Variants in IQCJ observed in about 807,000 individuals in gnomAD.
IQCJ encodes the protein IQ domain-containing protein J.
A neutral mutation model predicts 11.0 loss-of-function variants in IQCJ; 9 were observed. That is an observed-to-expected ratio of 0.82 (90% CI 0.49 to 1.43). The LOEUF (loss-of-function observed/expected upper bound fraction) is 1.43, where lower values mean the gene tolerates loss of function less well. IQCJ is among the 40% of genes most tolerant of loss of function. IQCJ has a pLI of 0.00. For synonymous variants in IQCJ, 55 were observed against 51.3 expected (o/e 1.07, Z -0.31); for missense variants, 146 against 133.2 (o/e 1.10, Z -0.47).
At chr3:159,241,814 G>T (rs1726939217) in intron 1 of IQCJ, among the ~76,000 whole-genome samples, 1 of 152,216 alleles carries the variant, frequency 6.6e-6, no homozygotes, top group Non-Finnish European at 1.5e-5. Context: ...CTTCCATGGT[G>T]CCTACAATGT....
intron 3 of IQCJ, among the ~76,000 whole-genome samples, chr3:159,261,099 G>T (rs573002093): frequency 6.6e-6 from 1 of 152,274 alleles, no homozygotes; most frequent in East Asian, 1.9e-4. Flanking sequence ...TGACCATTGA[G>T]AATTGATGAT....
intron 1 of IQCJ, among the ~76,000 whole-genome samples, chr3:159,201,860 G>A (rs114192690): frequency 2.3e-3 from 352 of 152,116 alleles, no homozygotes; most frequent in African/African-American, 7.7e-3. Context: ...AAGTGAACAG[G>A]TCACTTATTT....
At chr3:159,101,539 A>G (rs1717918346) in intron 1 of IQCJ, among the ~76,000 whole-genome samples, 1 of 152,164 alleles carries the variant, frequency 6.6e-6, no homozygotes, top group South Asian at 2.1e-4. Context: ...TATCATCCCC[A>G]TGTGTTTCAT....
At chr3:159,182,548 C>G (rs779341665) in intron 1 of IQCJ, among the ~76,000 whole-genome samples, 15 of 151,930 alleles carry the variant, frequency 9.9e-5, no homozygotes, top group Non-Finnish European at 2.1e-4. Context: ...TCTCAAGGGC[C>G]GAGCTCCCCG....
rs563842291 is a variant in IQCJ at position 159,092,859 on chromosome 3, G to C, written c.9+23418G>C. The stretch of plus-strand genomic sequence containing the variant: ...TAAGAGAATACTCTTATTCTTAGGA[G>C]ACATGTGCTGAGGTATTTAGGGGTG... On this transcript the variant is annotated intron_variant, in intron 1 of 3. Coordinates refer to ENST00000397832, the MANE Select transcript of IQCJ (RefSeq NM_001042706.3). Among the ~76,000 whole-genome samples, 56 of 151,580 alleles carry C rather than the reference G, an allele frequency of 3.7e-4. 1 individual carries two copies. Among genetic ancestry groups the C allele is most frequent in the African/African-American group, 1.2e-3 (51 of 40,988 alleles).
At chr3:159,228,700 A>G (rs1222908607) in intron 1 of IQCJ, among the ~76,000 whole-genome samples, 1 of 151,912 alleles carries the variant, frequency 6.6e-6, no homozygotes, top group Admixed American at 6.5e-5. Context: ...CTGAGGCAGG[A>G]CAGTGGCCAG....
intron 1 of IQCJ, among the ~76,000 whole-genome samples, chr3:159,079,180 A>G (rs1266755704): frequency 6.6e-6 from 1 of 152,090 alleles, no homozygotes; most frequent in Admixed American, 6.6e-5. Context: ...ACTTCCCTGC[A>G]TGTCATTGTG....
At chr3:159,223,703 T>C (rs1725683305) in intron 1 of IQCJ, among the ~76,000 whole-genome samples, 1 of 152,188 alleles carries the variant, frequency 6.6e-6, no homozygotes, top group African/African-American at 2.4e-5. Context: ...GTAATACATG[T>C]TGAGTATCTG....
chr3:159,261,409 T>C (rs1728196734), intron 3 of IQCJ, among the ~76,000 whole-genome samples: 1 of 152,202 alleles, frequency 6.6e-6, no homozygotes, highest in Non-Finnish European at 1.5e-5. Flanking sequence ...TGGCTCTGTG[T>C]CCCTACCCAA....
chr3:159,234,553 C>T (rs544747080), intron 1 of IQCJ, among the ~76,000 whole-genome samples: 20 of 152,260 alleles, frequency 1.3e-4, no homozygotes, highest in Admixed American at 5.2e-4. Flanking sequence ...CCTGTAATCC[C>T]AGCACTTTGG....
chr3:159,193,582 A>G (rs1324022854), intron 1 of IQCJ, among the ~76,000 whole-genome samples: 1 of 152,206 alleles, frequency 6.6e-6, no homozygotes, highest in East Asian at 1.9e-4. Context: ...ATGTTGGTGG[A>G]TCAAAGATTC....
chr3:159,091,666 A>G (rs60188161), intron 1 of IQCJ, among the ~76,000 whole-genome samples: 36,192 of 79,508 alleles, frequency 0.46, 5,096 homozygotes, highest in East Asian at 0.57. Flanking sequence ...ACACACACAC[A>G]CACGCATGCA....
chr3:159,188,002 C>G (rs370391178), intron 1 of IQCJ, among the ~76,000 whole-genome samples: 1 of 152,164 alleles, frequency 6.6e-6, no homozygotes, highest in South Asian at 2.1e-4. Flanking sequence ...CCCAAGCTAC[C>G]GACCAGAGAG....
intron 1 of IQCJ, among the ~76,000 whole-genome samples, chr3:159,206,314 T>A (rs1332353616): frequency 6.6e-6 from 1 of 152,250 alleles, no homozygotes; most frequent in Non-Finnish European, 1.5e-5. Context: ...TCACAATGAT[T>A]GCAACTGGTA....
chr3:159,146,404 G>A (rs892174485), intron 1 of IQCJ, among the ~76,000 whole-genome samples: 1 of 152,274 alleles, frequency 6.6e-6, no homozygotes, highest in Non-Finnish European at 1.5e-5. Context: ...GGCCTTTCTT[G>A]CCTCCTGTGC....
intron 1 of IQCJ, among the ~76,000 whole-genome samples, chr3:159,159,025 C>T (rs1364695054): frequency 6.6e-6 from 1 of 152,160 alleles, no homozygotes; most frequent in African/African-American, 2.4e-5. Context: ...AGGAGAGCCA[C>T]ATGGGAAGCA....
intron 1 of IQCJ, among the ~76,000 whole-genome samples, chr3:159,217,636 C>T (rs1196103031): frequency 6.6e-6 from 1 of 152,144 alleles, no homozygotes; most frequent in Non-Finnish European, 1.5e-5. Flanking sequence ...CTTGTCCTTC[C>T]TTCAGGGAAC....
downstream of IQCJ, chr3:159,265,541 A>G (rs1728451371): frequency 3.1e-6 from 2 of 644,580 alleles, no homozygotes; most frequent in Admixed American, 2.9e-5. Flanking sequence ...TCCAAGTCAA[A>G]TGTTGTCAGT....
chr3:159,224,941 A>C (rs987793389), intron 1 of IQCJ, among the ~76,000 whole-genome samples: 37 of 152,338 alleles, frequency 2.4e-4, no homozygotes, highest in African/African-American at 8.9e-4. Context: ...ATTGCTCATT[A>C]GAAAATAAAA....
Sources: gnomAD v4.1 joint callset for allele counts (sites outside exome capture counted in the v4.1 genomes callset) on GRCh38, gnomAD v4.1.1 for gene constraint, MANE v1.5 for transcripts, NCBI Gene and HGNC (gene_info 2026-07-23, HGNC 2026-07-21) for gene names.